IL27RA: variants seen among roughly 807,000 people sequenced by gnomAD.
IL27RA encodes the protein interleukin-27 receptor subunit alpha.
A neutral mutation model predicts 80.8 loss-of-function variants in IL27RA; 61 were observed. The observed-to-expected ratio is 0.76, with a 90% CI of 0.61 to 0.93. The LOEUF is 0.93. Ranked by LOEUF, IL27RA falls within the 40% of genes least tolerant of loss-of-function variation. IL27RA has a pLI of 0.00. For synonymous variants in IL27RA, 316 were observed against 332.5 expected (o/e 0.95, Z 0.54); for missense variants, 735 against 808.1 (o/e 0.91, Z 1.10).
chr19:14,044,906 A>G (rs1035882601), intron 6 of IL27RA, among the ~76,000 whole-genome samples: 1 of 149,834 alleles, frequency 6.7e-6, no homozygotes, highest in Non-Finnish European at 1.5e-5. Context: ...CGGGTGGATC[A>G]TAAGGTCAGG....
chr19:14,047,879 G>T (rs1976092850), intron 8 of IL27RA, among the ~76,000 whole-genome samples: 2 of 150,524 alleles, frequency 1.3e-5, no homozygotes, highest in Non-Finnish European at 3.0e-5. Flanking sequence ...AGCCAGGATG[G>T]TCTCGATCTC....
intron 6 of IL27RA, among the ~76,000 whole-genome samples, chr19:14,043,479 G>C (rs566365370): frequency 3.4e-3 from 519 of 151,902 alleles, no homozygotes; most frequent in Non-Finnish European, 5.7e-3. Flanking sequence ...GAGTGCAGCA[G>C]CGTCATCTCA....
At position 14,049,204 on chromosome 19, in the gene IL27RA, G is replaced by A. The variant is rs2145696272; in HGVS notation, c.1292G>A (p.Gly431Glu). The A allele has an allele frequency of 1.2e-6, 2 of 1,614,130 alleles. No individual in the cohort carries two copies. The highest frequency in any genetic ancestry group is 2.2e-5 in the South Asian group (2 of 91,076). ...TGGCGACTCCAAGATGCCCCTCCAG[G>A]GACCCCCGCCATAGCGTGGGGAGAG... The part of the protein sequence containing the change: ...TLWRLQDAPP[G>E]TPAIAWGEVP... The change falls in exon 10 of 14, where the codon GGG (glycine) becomes GAG (glutamate). Residue 431 changes from glycine to glutamate, a missense_variant. Coordinates refer to ENST00000263379, the MANE Select transcript of IL27RA (RefSeq NM_004843.4).
intron 3 of IL27RA, 28 bp from the exon 4 acceptor site, chr19:14,039,725 C>A: frequency 6.2e-7 from 1 of 1,611,024 alleles, no homozygotes; most frequent in East Asian, 2.2e-5. Flanking sequence ...GGGCGTGGCT[C>A]ACTACACCCT....
Position 14,052,505 on chromosome 19 carries a change from G to A in IL27RA, c.*215G>A, listed in dbSNP as rs140874217. On this transcript the variant is annotated 3_prime_UTR_variant, in exon 14 of 14. Transcript: ENST00000263379. Reference sequence around the variant, plus strand: ...CATGGGGAAGACACGGATGGAAGGTGGAGCAAAGGAAAATACATGAAATTG... The same window carrying A: ...CATGGGGAAGACACGGATGGAAGGTAGAGCAAAGGAAAATACATGAAATTG... 6.9e-6 allele frequency: 3 copies of A among 437,536 alleles called. No individual in the cohort carries two copies. Among genetic ancestry groups the A allele is most frequent in the Admixed American group, 3.9e-5 (1 of 25,556 alleles). The allele number at this position is 437,536 out of a possible 1,614,324, so 27.1% of individuals were successfully genotyped here. A position where few individuals can be genotyped will look rare whatever the true frequency, so the allele number is the denominator to read the frequency against.
chr19:14,039,420 C>A, intron 2 of IL27RA, 88 bp from the exon 3 acceptor site: 1 of 1,461,160 alleles, frequency 6.8e-7, no homozygotes, highest in Non-Finnish European at 9.3e-7. Flanking sequence ...GCAGAGCAGG[C>A]TGCAGCCACT....
In IL27RA at chr19:14,039,491, C is replaced by G; in HGVS notation, c.219-17C>G. On this transcript the variant is annotated splice_polypyrimidine_tract_variant and intron_variant, in intron 2 of 13. Coordinates refer to ENST00000263379, the MANE Select transcript of IL27RA (RefSeq NM_004843.4). The stretch of plus-strand genomic sequence containing the variant: ...TCTAGCCGAGTGTGCATCTCATCCC[C>G]GCCTCTCTCCTCACAGCCGTTCCAA... 6.2e-7 allele frequency: 1 copy of G among 1,602,568 alleles called. No homozygotes were observed. The highest frequency in any genetic ancestry group is 8.5e-7 in the Non-Finnish European group (1 of 1,172,896).
At chr19:14,034,043 A>G (rs1300711880) in intron 2 of IL27RA, among the ~76,000 whole-genome samples, 3 of 152,186 alleles carry the variant, frequency 2.0e-5, no homozygotes, top group Non-Finnish European at 4.4e-5. Context: ...GGATTCAAAG[A>G]GTTAGGTGCT....
intron 6 of IL27RA, 50 bp from the exon 7 acceptor site, chr19:14,046,104 T>C: frequency 6.5e-7 from 1 of 1,540,306 alleles, no homozygotes; most frequent in Non-Finnish European, 8.9e-7. Flanking sequence ...GACACATATA[T>C]GTGCGTGATT....
At chr19:14,041,920 G>GGGA in intron 4 of IL27RA, among the ~76,000 whole-genome samples, 1 of 151,908 alleles carries the variant, frequency 6.6e-6, no homozygotes, top group Non-Finnish European at 1.5e-5. Flanking sequence ...ACAAAAATTG[G>GGGA]CTGGGCTTGG....
chr19:14,050,805 C>A lies in IL27RA; in HGVS notation c.1450C>A (p.Pro484Thr). ...SVTLPDLPWGPCELWVTASTI... is the reference protein window; with the variant it reads ...SVTLPDLPWGTCELWVTASTI... ...CACCCTGCCTGACCTTCCTTGGGGT[C>A]CCTGTGAGCTGTGGGTGACAGCATC... The change falls in exon 11 of 14, where the codon CCC becomes ACC. Residue 484 changes from proline (P) to threonine (T), a missense_variant. Coordinates refer to ENST00000263379, the MANE Select transcript of IL27RA (RefSeq NM_004843.4). 1.9e-6 allele frequency: 3 copies of A among 1,613,714 alleles called. No individual in the cohort carries two copies.
intron 4 of IL27RA, among the ~76,000 whole-genome samples, chr19:14,041,739 C>T (rs1361692325): frequency 1.3e-5 from 2 of 152,164 alleles, no homozygotes; most frequent in African/African-American, 2.4e-5. Flanking sequence ...CCCCTTGGTC[C>T]TGGGCAAATA....
At chr19:14,040,292 G>A (rs1487929372) in intron 4 of IL27RA, among the ~76,000 whole-genome samples, 2 of 151,968 alleles carry the variant, frequency 1.3e-5, no homozygotes, top group Non-Finnish European at 2.9e-5. Context: ...AACCCGAGAG[G>A]CAGAGGTTGC....
chr19:14,052,606 C>G lies in IL27RA; in HGVS notation c.*316C>G, dbSNP rs952920883. On this transcript the variant is annotated 3_prime_UTR_variant, in exon 14 of 14. Transcript: ENST00000263379. ...TGGACCCCAGCACAGTGGCTCACGC[C>G]TGTAATCCCAGCACTTTGGCAGGCC... is the stretch of plus-strand genomic sequence containing the variant. 1 of 263,544 alleles carries G rather than the reference C, an allele frequency of 3.8e-6. No homozygotes were observed. The highest frequency in any genetic ancestry group is 7.1e-6 in the Non-Finnish European group (1 of 140,212). 16.3% of individuals were successfully genotyped at this position (263,544 alleles called of 1,614,324 possible).
In IL27RA at chr19:14,050,806, C is replaced by A; in HGVS notation, c.1451C>A (p.Pro484His). The change falls in exon 11 of 14, where the codon CCC becomes CAC. Residue 484 changes from proline to histidine, a missense_variant. Pro to His is a moderately conservative substitution (Grantham distance 77). Coordinates refer to ENST00000263379, the MANE Select transcript of IL27RA (RefSeq NM_004843.4). ...SVTLPDLPWG[P>H]CELWVTASTI... The stretch of plus-strand genomic sequence containing the variant: ...ACCCTGCCTGACCTTCCTTGGGGTC[C>A]CTGTGAGCTGTGGGTGACAGCATCT... The A allele has an allele frequency of 6.2e-7, 1 of 1,613,700 alleles. No individual in the cohort carries two copies. The highest frequency in any genetic ancestry group is 1.1e-5 in the South Asian group (1 of 91,062).
intron 8 of IL27RA, among the ~76,000 whole-genome samples, chr19:14,047,026 C>T (rs1418228996): frequency 1.3e-5 from 2 of 151,304 alleles, no homozygotes; most frequent in East Asian, 2.0e-4. Flanking sequence ...AAATAAATAG[C>T]GTGAATTCAC....
intron 2 of IL27RA, among the ~76,000 whole-genome samples, chr19:14,033,282 A>T (rs1476421543): frequency 2.0e-5 from 3 of 150,350 alleles, no homozygotes; most frequent in Admixed American, 1.3e-4. Context: ...TTTTTAGTAG[A>T]GGGGGGAGGT....
At chr19:14,039,374 C>G (rs767733650) in intron 2 of IL27RA, 134 bp from the exon 3 acceptor site, 1 of 923,442 alleles carries the variant, frequency 1.1e-6, no homozygotes, top group Non-Finnish European at 1.6e-6. Flanking sequence ...CAAGGTCACA[C>G]AGCTCTGAAG....
intron 6 of IL27RA, 21 bp from the exon 7 acceptor site, chr19:14,046,133 C>G: frequency 6.2e-7 from 1 of 1,607,552 alleles, no homozygotes; most frequent in Non-Finnish European, 8.5e-7. Flanking sequence ...ACATTAACCC[C>G]TTTTTCCCTT....
Sources: allele counts gnomAD v4.1 joint callset (sites outside exome capture counted in the v4.1 genomes callset), GRCh38; gene constraint gnomAD v4.1.1; transcripts MANE v1.5; gene names NCBI Gene and HGNC (gene_info 2026-07-23, HGNC 2026-07-21).